The following SUFU variants were observed in gnomAD, a reference collection of about 807,000 sequenced individuals.
The protein encoded by SUFU is SUFU negative regulator of hedgehog signaling.
SUFU carries 7 observed loss-of-function variants against 58.9 expected under a neutral mutation model. The ratio of observed to expected loss-of-function variants is 0.12; its 90% CI spans 0.07 to 0.22. The LOEUF (loss-of-function observed/expected upper bound fraction) is 0.22, where lower values mean the gene tolerates loss of function less well. SUFU is among the 10% of genes least tolerant of loss of function. The probability of loss-of-function intolerance (pLI) is 1.00; values close to 1 mark genes in which losing one functional copy is unlikely to be tolerated. For missense variants in SUFU, 451 were observed against 641.3 expected (o/e 0.70, Z 3.20); for synonymous variants, 232 against 254.8 (o/e 0.91, Z 0.85).
rs528373913 is a variant in SUFU, at chr10:102,615,112, G to T, written c.1023-156G>T. Reference sequence around the variant, plus strand: ...AGAAGTGCTTGGTGCAGTGGCTGGCGCTCGCCAGGCATATACAGAATGATG... The same window carrying T: ...AGAAGTGCTTGGTGCAGTGGCTGGCTCTCGCCAGGCATATACAGAATGATG... On this transcript the variant is annotated intron_variant, in intron 8 of 11. Transcript: ENST00000369902. Among the ~76,000 whole-genome samples the T allele has an allele frequency of 2.6e-5, 4 of 152,220 alleles. No individual in the cohort carries two copies. The East Asian group carries it at 7.7e-4, about 29-fold the overall frequency.
At chr10:102,534,320 G>C (rs2062710696) in intron 2 of SUFU, among the ~76,000 whole-genome samples, 1 of 152,238 alleles carries the variant, frequency 6.6e-6, no homozygotes, top group Admixed American at 6.5e-5. Flanking sequence ...CCAGCTACTT[G>C]GGAGGCGGAG....
At chr10:102,532,560 T>C (rs151025525) in intron 2 of SUFU, among the ~76,000 whole-genome samples, 1 of 152,282 alleles carries the variant, frequency 6.6e-6, no homozygotes, top group African/African-American at 2.4e-5. Context: ...TCCCTCAGGT[T>C]TGTGTTGGCA....
At chr10:102,526,826 A>G (rs1020248396) in intron 2 of SUFU, among the ~76,000 whole-genome samples, 4 of 152,092 alleles carry the variant, frequency 2.6e-5, no homozygotes, top group African/African-American at 9.7e-5. Context: ...TGAAACAGCT[A>G]GTATAAAGGC....
chr10:102,623,106 G>T (rs1374351291), intron 10 of SUFU, among the ~76,000 whole-genome samples: 1 of 152,148 alleles, frequency 6.6e-6, no homozygotes, highest in Non-Finnish European at 1.5e-5. Flanking sequence ...CTTCCCAGGG[G>T]AGTGTGCTGC....
At position 102,503,996 on chromosome 10, in the gene SUFU, G is replaced by C. The variant is rs2062284535; in HGVS notation, c.-157G>C. The C allele has an allele frequency of 9.1e-7, 1 of 1,096,622 alleles. No individual in the cohort carries two copies. The highest frequency in any genetic ancestry group is 1.2e-6 in the Non-Finnish European group (1 of 822,722). The allele number at this position is 1,096,622 out of a possible 1,614,324, so 67.9% of individuals were successfully genotyped here. On this transcript the variant is annotated 5_prime_UTR_variant, in exon 1 of 12. Coordinates refer to ENST00000369902, the MANE Select transcript of SUFU (RefSeq NM_016169.4). Reference sequence around the variant, plus strand: ...CAGACTCGGCGGCGGCGACAGCCTGGGCGGACAGTGCGCCGTGCGCAGGCG... The same window carrying C: ...CAGACTCGGCGGCGGCGACAGCCTGCGCGGACAGTGCGCCGTGCGCAGGCG...
At chr10:102,510,427 C>G (rs1164288901) in intron 2 of SUFU, among the ~76,000 whole-genome samples, 1 of 150,050 alleles carries the variant, frequency 6.7e-6, no homozygotes, top group African/African-American at 2.4e-5. Flanking sequence ...CCAGGATGGT[C>G]TTGATCTCCT....
At chr10:102,537,948 C>G (rs1412530153) in intron 2 of SUFU, among the ~76,000 whole-genome samples, 2 of 152,078 alleles carry the variant, frequency 1.3e-5, no homozygotes, top group African/African-American at 4.8e-5. Context: ...TGTGGCAATT[C>G]TATGTTTAAT....
chr10:102,589,442 C>T (rs143153454), intron 3 of SUFU, among the ~76,000 whole-genome samples: 76 of 65,324 alleles, frequency 1.2e-3, no homozygotes, highest in Admixed American at 1.4e-3. Flanking sequence ...TTCTTTCTTT[C>T]TTTTTTTTTT....
chr10:102,515,276 A>C (rs1400364833), intron 2 of SUFU, among the ~76,000 whole-genome samples: 1 of 151,596 alleles, frequency 6.6e-6, no homozygotes, highest in Non-Finnish European at 1.5e-5. Context: ...GCAGTTGAGA[A>C]ATGCTAATTT....
At chr10:102,565,585 C>T (rs1392974139) in intron 3 of SUFU, among the ~76,000 whole-genome samples, 1 of 152,208 alleles carries the variant, frequency 6.6e-6, no homozygotes, top group African/African-American at 2.4e-5. Flanking sequence ...CGCTCTGTCG[C>T]CCAGGCTGGA....
upstream of SUFU, among the ~76,000 whole-genome samples, chr10:102,503,822 T>A (rs1242576646): frequency 6.6e-6 from 1 of 152,132 alleles, no homozygotes; most frequent in Non-Finnish European, 1.5e-5. Context: ...CTTGGGACAC[T>A]CCCAACACAG....
At chr10:102,585,750 C>T (rs2063329499) in intron 3 of SUFU, among the ~76,000 whole-genome samples, 2 of 152,030 alleles carry the variant, frequency 1.3e-5, no homozygotes, top group Non-Finnish European at 2.9e-5. Flanking sequence ...AACTCCTGGC[C>T]TCAAGCGATC....
intron 2 of SUFU, among the ~76,000 whole-genome samples, chr10:102,518,247 G>T (rs1219444003): frequency 6.6e-6 from 1 of 152,156 alleles, no homozygotes; most frequent in Admixed American, 6.5e-5. Context: ...AAACTGAGAT[G>T]CAGAAATGTT....
Position 102,526,103 on chromosome 10 carries a change from C to T in SUFU, c.317+16800C>T, listed in dbSNP as rs182511441. Among the ~76,000 whole-genome samples the T allele has an allele frequency of 2.8e-3, 429 of 152,074 alleles. 14 individuals carry two copies. The highest frequency in any genetic ancestry group is 0.026 in the Admixed American group (390 of 15,264). On this transcript the variant is annotated intron_variant, in intron 2 of 11. Transcript: ENST00000369902. ...AAGTTCAGCATCAATATGGTGACCT[C>T]CCAGGAGCATGGGACCACCAGGTTG...
intron 2 of SUFU, among the ~76,000 whole-genome samples, chr10:102,536,247 G>T (rs1314743986): frequency 6.6e-6 from 1 of 151,830 alleles, no homozygotes; most frequent in Non-Finnish European, 1.5e-5. Flanking sequence ...TTACAGGCGT[G>T]AGCGTGAGCC....
chr10:102,576,411 G>C (rs539095847), intron 3 of SUFU, among the ~76,000 whole-genome samples: 1 of 152,140 alleles, frequency 6.6e-6, no homozygotes, highest in South Asian at 2.1e-4. Context: ...ATGTCTTGAA[G>C]ATCTTTATTT....
chr10:102,626,033 C>T (rs2063783382), intron 10 of SUFU, among the ~76,000 whole-genome samples: 1 of 152,224 alleles, frequency 6.6e-6, no homozygotes, highest in African/African-American at 2.4e-5. Flanking sequence ...TATCTTTCTT[C>T]CTTTGTGCCC....
intron 2 of SUFU, among the ~76,000 whole-genome samples, chr10:102,510,874 A>G (rs1185131619): frequency 6.6e-6 from 1 of 151,982 alleles, no homozygotes; most frequent in African/African-American, 2.4e-5. Flanking sequence ...TAATCCCAGC[A>G]CTTTGGGAGG....
intron 3 of SUFU, among the ~76,000 whole-genome samples, chr10:102,574,316 A>C (rs1327745790): frequency 6.6e-6 from 1 of 152,234 alleles, no homozygotes; most frequent in Non-Finnish European, 1.5e-5. Flanking sequence ...ATACACAAAG[A>C]CAGAAAAAAC....
Sources: gnomAD v4.1 joint callset for allele counts (sites outside exome capture counted in the v4.1 genomes callset) on GRCh38, gnomAD v4.1.1 for gene constraint, MANE v1.5 for transcripts, NCBI Gene and HGNC (gene_info 2026-07-23, HGNC 2026-07-21) for gene names.